KIAA1549L: variants seen among roughly 807,000 people sequenced by gnomAD.
The protein encoded by KIAA1549L is KIAA1549 like, also known as UPF0606 protein KIAA1549L.
In KIAA1549L, 88 loss-of-function variants were observed where a neutral mutation model predicts 160.7. The observed-to-expected ratio is 0.55, with a 90% confidence interval of 0.46 to 0.65. The LOEUF (loss-of-function observed/expected upper bound fraction) is 0.65. Ranked by LOEUF, KIAA1549L falls within the 30% of genes least tolerant of loss-of-function variation. The probability of loss-of-function intolerance (pLI) is 0.00; values close to 1 mark genes in which losing one functional copy is unlikely to be tolerated. For missense variants in KIAA1549L, 2,258 were observed against 2,437.5 expected, an observed-to-expected ratio of 0.93 and a Z score of 1.55; for synonymous variants, 950 against 976.7, an observed-to-expected ratio of 0.97 and a Z score of 0.51.
At chr11:33,614,573 TATATATATATA>T (rs1306907044) in intron 15 of KIAA1549L, among the ~76,000 whole-genome samples, 34 of 20,316 alleles carry the variant, frequency 1.7e-3, no homozygotes, top group South Asian at 3.6e-3. Context: ...TATATATATA[TATATATATATA>T]TTTTTTTTTT....
intron 6 of KIAA1549L, among the ~76,000 whole-genome samples, chr11:33,554,925 G>A (rs1384158169): frequency 6.6e-6 from 1 of 152,170 alleles, no homozygotes; most frequent in East Asian, 1.9e-4. Flanking sequence ...AGTAAGAGAT[G>A]AGGTTAGAGG....
intron 6 of KIAA1549L, 61 bp downstream of exon 6, chr11:33,552,302 A>C (rs1854490297): frequency 6.5e-7 from 1 of 1,541,418 alleles, no homozygotes. Flanking sequence ...AGAGTCTGGC[A>C]AGAAATGACT....
intron 1 of KIAA1549L, among the ~76,000 whole-genome samples, chr11:33,380,010 A>G (rs1169818668): frequency 6.6e-6 from 1 of 152,194 alleles, no homozygotes; most frequent in Non-Finnish European, 1.5e-5. Context: ...TTCTGGGGGC[A>G]TGGGGGCCTT....
chr11:33,512,181 A>G (rs1035549968), intron 1 of KIAA1549L, among the ~76,000 whole-genome samples: 5 of 152,212 alleles, frequency 3.3e-5, no homozygotes, highest in Admixed American at 6.5e-5. Flanking sequence ...TTATTAAAAG[A>G]TGGTCAGAGT....
At chr11:33,471,372 C>T (rs764986937) in intron 1 of KIAA1549L, among the ~76,000 whole-genome samples, 13 of 152,124 alleles carry the variant, frequency 8.5e-5, no homozygotes, top group Non-Finnish European at 1.5e-4. Context: ...CTAAGTCATG[C>T]AGTCATGCTA....
rs756208418 is a variant in KIAA1549L at position 33,568,054 on chromosome 11, G to C, written c.4079-22G>C. Reference sequence around the variant, plus strand: ...CAGAAAGTCTGCCTTCTGAGCCTCTGCTCTGCCTTCTGCATCCACAGTGCT... The same window carrying C: ...CAGAAAGTCTGCCTTCTGAGCCTCTCCTCTGCCTTCTGCATCCACAGTGCT... On this transcript the variant is annotated intron_variant, in intron 8 of 20. Transcript: ENST00000658780. 5 of 1,588,248 alleles carry C rather than the reference G, an allele frequency of 3.1e-6. No individual in the cohort carries two copies. In the East Asian group the frequency reaches 1.1e-4, roughly 36 times the overall value.
intron 9 of KIAA1549L, among the ~76,000 whole-genome samples, chr11:33,571,041 T>G (rs551471254): frequency 1.3e-5 from 2 of 152,318 alleles, no homozygotes; most frequent in South Asian, 4.1e-4. Flanking sequence ...TCCCAGCACT[T>G]TGGGAGGCCA....
intron 1 of KIAA1549L, among the ~76,000 whole-genome samples, chr11:33,497,546 A>G (rs1440290733): frequency 2.0e-5 from 3 of 152,170 alleles, no homozygotes; most frequent in South Asian, 4.1e-4. Context: ...AAAAACCCCA[A>G]AGCACCATAA....
intron 1 of KIAA1549L, among the ~76,000 whole-genome samples, chr11:33,397,240 A>G (rs1043045272): frequency 2.0e-5 from 3 of 146,566 alleles, no homozygotes; most frequent in Admixed American, 6.9e-5. Context: ...AGGCTGAGGC[A>G]GGAGAATCGT....
rs201703092 is a variant in KIAA1549L at position 33,668,009 on chromosome 11, C to T, written c.6296C>T (p.Ala2099Val). ...GAGCAGGCCCCGGCGCCCTCCACAG[C>T]GGCCTCGCAGCAGAGCCTGGCAGAA... ...SLEQAPAPST[A>V]ASQQSLAEND... Residue 2099 changes from alanine to valine, a missense_variant, in exon 21 of 21, where the codon GCG (alanine) becomes GTG (valine). Coordinates refer to ENST00000658780, the MANE Select transcript of KIAA1549L (RefSeq NM_012194.3). The T allele has an allele frequency of 2.6e-5, 42 of 1,613,958 alleles. No individual in the cohort carries two copies. The highest frequency in any genetic ancestry group is 1.6e-4 in the Middle Eastern group (1 of 6,062).
At chr11:33,406,366 T>C (rs902378602) in intron 1 of KIAA1549L, among the ~76,000 whole-genome samples, 23 of 152,194 alleles carry the variant, frequency 1.5e-4, no homozygotes, top group African/African-American at 5.1e-4. Context: ...CTGCGACTTA[T>C]GCTTCACACG....
Position 33,547,866 on chromosome 11 carries a change from A to G in KIAA1549L, c.3488A>G (p.Asp1163Gly). The change falls in exon 4 of 21, where the codon GAT becomes GGT. Residue 1163 changes from aspartate to glycine, a missense_variant. This residue lies in a region of KIAA1549L where 1,359 missense variants were observed against 1,546.6 expected (regional missense o/e 0.88). Transcript: ENST00000658780. The stretch of plus-strand genomic sequence containing the variant: ...TTGCGGAAGGCTTTCCACCAGAACG[A>G]TGTCTCAGCTCACGTAAGTGCTTTG... Reference protein sequence around the residue: ...QALRKAFHQNDVSAHVDILEY... With the variant: ...QALRKAFHQNGVSAHVDILEY... 6.2e-6 allele frequency: 10 copies of G among 1,611,124 alleles called. No individual in the cohort carries two copies. Among genetic ancestry groups the G allele is most frequent in the Non-Finnish European group, 8.5e-6 (10 of 1,177,664 alleles).
chr11:33,554,561 C>T (rs988485166), intron 6 of KIAA1549L, among the ~76,000 whole-genome samples: 4 of 152,184 alleles, frequency 2.6e-5, no homozygotes, highest in Admixed American at 6.5e-5. Flanking sequence ...ATGGGGTGGC[C>T]GCTCACAACC....
intron 20 of KIAA1549L, among the ~76,000 whole-genome samples, chr11:33,663,583 T>C (rs1157773513): frequency 6.6e-6 from 1 of 151,950 alleles, no homozygotes; most frequent in Non-Finnish European, 1.5e-5. Context: ...GTCTCAGGAG[T>C]TGGACATTGG....
rs1216497229 is a variant in KIAA1549L at position 33,376,933 on chromosome 11, G to A, written c.238+44G>A. The A allele has an allele frequency of 6.6e-6, 1 of 152,388 alleles. No individual in the cohort carries two copies. The highest frequency in any genetic ancestry group is 2.4e-5 in the African/African-American group (1 of 41,458). The allele number at this position is 152,388 out of a possible 1,614,324, so 9.4% of individuals were successfully genotyped here. ...GGCGTCCGCGGAGGTTTCTGGAGGA[G>A]CGGGGCGGCGGGACGGGACCCACAC... On this transcript the variant is annotated intron_variant, in intron 1 of 20. Transcript: ENST00000658780. This position sits in a 1 kb window ranked among gnomAD's most constrained non-coding sequence, Gnocchi z 5.8.
intron 1 of KIAA1549L, among the ~76,000 whole-genome samples, chr11:33,433,151 C>T (rs930058498): frequency 6.6e-5 from 10 of 152,154 alleles, no homozygotes; most frequent in Non-Finnish European, 1.0e-4. Context: ...AGTGAATAGG[C>T]AACCTACAGA....
chr11:33,506,970 T>C (rs1194481970), intron 1 of KIAA1549L, among the ~76,000 whole-genome samples: 1 of 152,152 alleles, frequency 6.6e-6, no homozygotes, highest in Admixed American at 6.5e-5. Context: ...AGTCCCAGGT[T>C]TGAGGCTCTT....
In KIAA1549L at chr11:33,561,733, C is replaced by T; in HGVS notation, c.4076C>T (p.Thr1359Ile). The T allele has an allele frequency of 6.3e-7, 1 of 1,597,840 alleles. No homozygotes were observed. The highest frequency in any genetic ancestry group is 2.2e-5 in the East Asian group (1 of 44,782). The change falls in exon 8 of 21, where the codon ACA becomes ATA. Residue 1359 changes from threonine (T) to isoleucine (I), a missense_variant and splice_region_variant. By Grantham distance (89) the Thr-to-Ile change is moderately conservative. Around this residue, in one of 6 missense-constraint regions of KIAA1549L, gnomAD observed 1,359 missense variants for 1,546.6 expected, o/e 0.88. Transcript: ENST00000658780. ...ACAACCAGAGACTATTGGGTAATTA[C>T]AGGTAATCTCTTATTTTGTAATTTC... ...SETTRDYWVI[T>I]VLQGVDNSLV...
chr11:33,410,490 A>T (rs932141782), intron 1 of KIAA1549L, among the ~76,000 whole-genome samples: 8 of 152,206 alleles, frequency 5.3e-5, no homozygotes, highest in Non-Finnish European at 8.8e-5. Flanking sequence ...CTTATAACAC[A>T]TTTCTTACTC....
Sources: allele counts gnomAD v4.1 joint callset (sites outside exome capture counted in the v4.1 genomes callset), GRCh38; gene constraint gnomAD v4.1.1; regional missense constraint gnomAD v4.1.1; non-coding constraint Gnocchi (gnomAD v3.1); transcripts MANE v1.5; gene names NCBI Gene and HGNC (gene_info 2026-07-23, HGNC 2026-07-21).